LMX1A: variants seen among roughly 807,000 people sequenced by gnomAD.
LMX1A encodes the protein LIM homeobox transcription factor 1-alpha.
In LMX1A, 15 loss-of-function variants were observed where a neutral mutation model predicts 49.1. The observed-to-expected ratio is 0.31, with a 90% CI of 0.20 to 0.47. The LOEUF (loss-of-function observed/expected upper bound fraction) is 0.47. LMX1A is among the 20% of genes least tolerant of loss of function. The pLI is 1.00. For synonymous variants in LMX1A, 167 were observed against 185.7 expected, an observed-to-expected ratio of 0.90 and a Z score of 0.82; for missense variants, 372 against 475.8, an observed-to-expected ratio of 0.78 and a Z score of 2.03.
intron 8 of LMX1A, among the ~76,000 whole-genome samples, chr1:165,204,671 G>A (rs759512234): frequency 6.6e-5 from 10 of 152,178 alleles, no homozygotes; most frequent in African/African-American, 2.2e-4. Context: ...AAATAGGAGA[G>A]GTGAAAACTG....
intron 4 of LMX1A, among the ~76,000 whole-genome samples, chr1:165,214,300 C>T (rs1473318884): frequency 1.3e-5 from 2 of 152,344 alleles, no homozygotes; most frequent in East Asian, 3.9e-4. Flanking sequence ...CTGCTTTCTT[C>T]CCATTCACTT....
chr1:165,258,152 T>A (rs548884847), intron 3 of LMX1A, among the ~76,000 whole-genome samples: 1 of 152,360 alleles, frequency 6.6e-6, no homozygotes, highest in East Asian at 1.9e-4. Context: ...AGTGCCATGT[T>A]GACTTGGTAA....
chr1:165,215,348 A>G lies in LMX1A; in HGVS notation c.497-1535T>C, dbSNP rs553066641. The stretch of plus-strand genomic sequence containing the variant: ...AATAATAATAATAAAAGCCATAGGC[A>G]ATTCTATGCCCAAATGATCTAACAA... On this transcript the variant is annotated intron_variant, in intron 4 of 8. Coordinates refer to ENST00000342310, the MANE Select transcript of LMX1A (RefSeq NM_177398.4). Among the ~76,000 whole-genome samples the G allele has an allele frequency of 2.6e-5, 4 of 152,316 alleles. No homozygotes were observed. In the East Asian group the frequency reaches 7.7e-4, roughly 29 times the overall value.
chr1:165,347,027 G>A (rs893723666), intron 3 of LMX1A, among the ~76,000 whole-genome samples: 4 of 152,232 alleles, frequency 2.6e-5, no homozygotes, highest in African/African-American at 2.4e-5. Context: ...AGCTGCAGTC[G>A]ACATTGGTCA....
intron 4 of LMX1A, among the ~76,000 whole-genome samples, chr1:165,247,063 T>TC: frequency 1.5e-5 from 2 of 129,698 alleles, no homozygotes; most frequent in African/African-American, 5.9e-5. Flanking sequence ...TCTTTTTTTT[T>TC]TTTTTTTTTT....
At chr1:165,224,732 C>T (rs1651975034) in intron 4 of LMX1A, among the ~76,000 whole-genome samples, 2 of 152,200 alleles carry the variant, frequency 1.3e-5, no homozygotes, top group Admixed American at 1.3e-4. Flanking sequence ...ATGCGTTGCA[C>T]AAACAAATGT....
chr1:165,247,762 A>G (rs1045006229), intron 4 of LMX1A, among the ~76,000 whole-genome samples: 1 of 152,146 alleles, frequency 6.6e-6, no homozygotes, highest in Non-Finnish European at 1.5e-5. Context: ...CAATAAACCT[A>G]TTAGTAGGTA....
At chr1:165,328,431 TTC>T (rs1375132159) in intron 3 of LMX1A, among the ~76,000 whole-genome samples, 15 of 152,164 alleles carry the variant, frequency 9.9e-5, no homozygotes, top group African/African-American at 3.4e-4. Context: ...GAAGCAGGCT[TTC>T]TGTTTTACCT....
At chr1:165,313,556 G>A (rs1159970181) in intron 3 of LMX1A, among the ~76,000 whole-genome samples, 10 of 150,744 alleles carry the variant, frequency 6.6e-5, no homozygotes, top group Admixed American at 6.6e-4. Flanking sequence ...AAAGGTGTGG[G>A]CAGGGCTTAA....
chr1:165,318,999 T>TCA (rs35582531), intron 3 of LMX1A, among the ~76,000 whole-genome samples: 1,818 of 117,762 alleles, frequency 0.015, 11 homozygotes, highest in African/African-American at 0.032. Flanking sequence ...TCTCTCTCTC[T>TCA]CACACACACA....
At chr1:165,206,379 T>C (rs1651080672) in intron 7 of LMX1A, among the ~76,000 whole-genome samples, 1 of 152,188 alleles carries the variant, frequency 6.6e-6, no homozygotes, top group South Asian at 2.1e-4. Context: ...GTTGACCTCA[T>C]TGGGTTGATG....
chr1:165,294,342 G>A (rs1348863441), intron 3 of LMX1A, among the ~76,000 whole-genome samples: 1 of 152,184 alleles, frequency 6.6e-6, no homozygotes, highest in Non-Finnish European at 1.5e-5. Context: ...TAAATTATAA[G>A]CAAAGTGCCG....
intron 3 of LMX1A, among the ~76,000 whole-genome samples, chr1:165,270,364 G>A (rs1314541480): frequency 6.6e-6 from 1 of 152,140 alleles, no homozygotes; most frequent in East Asian, 1.9e-4. Flanking sequence ...GAAAACAAGG[G>A]CTAGAGAAAT....
At chr1:165,275,914 C>A (rs1229875235) in intron 3 of LMX1A, among the ~76,000 whole-genome samples, 2 of 149,668 alleles carry the variant, frequency 1.3e-5, no homozygotes, top group African/African-American at 4.9e-5. Context: ...AGTTTGAACA[C>A]CAGCCAACTC....
intron 3 of LMX1A, among the ~76,000 whole-genome samples, chr1:165,304,020 C>A (rs1654855325): frequency 6.6e-6 from 1 of 152,114 alleles, no homozygotes; most frequent in Non-Finnish European, 1.5e-5. Context: ...AGGAAAGGGT[C>A]ACGGTGGTCA....
chr1:165,253,220 A>G (rs150825314), intron 3 of LMX1A, among the ~76,000 whole-genome samples: 40 of 152,348 alleles, frequency 2.6e-4, no homozygotes, highest in African/African-American at 7.7e-4. Flanking sequence ...ATCTACATTT[A>G]GGGATTTACC....
intron 3 of LMX1A, among the ~76,000 whole-genome samples, chr1:165,296,958 G>T (rs1470492543): frequency 6.6e-6 from 1 of 152,242 alleles, no homozygotes; most frequent in Non-Finnish European, 1.5e-5. Context: ...CCTTGGATGA[G>T]TTAGATGTAC....
At chr1:165,278,671 T>C (rs1165668070) in intron 3 of LMX1A, among the ~76,000 whole-genome samples, 1 of 152,162 alleles carries the variant, frequency 6.6e-6, no homozygotes, top group Non-Finnish European at 1.5e-5. Flanking sequence ...ACCTCCTAGT[T>C]TGAGTGGCAG....
At chr1:165,330,766 A>T (rs1483177513) in intron 3 of LMX1A, among the ~76,000 whole-genome samples, 1 of 152,244 alleles carries the variant, frequency 6.6e-6, no homozygotes, top group Admixed American at 6.5e-5. Flanking sequence ...CAGGGCACCG[A>T]ATCTGGGGTA....
Sources: gnomAD v4.1 joint callset for allele counts (sites outside exome capture counted in the v4.1 genomes callset) on GRCh38, gnomAD v4.1.1 for gene constraint, MANE v1.5 for transcripts, NCBI Gene and HGNC (gene_info 2026-07-23, HGNC 2026-07-21) for gene names.